Variants in NRIP1 observed in about 807,000 individuals in gnomAD.
NRIP1 encodes the protein nuclear receptor interacting protein 1, also known as nuclear receptor-interacting protein 1.
A neutral mutation model predicts 75.0 loss-of-function variants in NRIP1; 28 were observed. That is an observed-to-expected ratio of 0.37 (90% CI 0.28 to 0.51). NRIP1 has a LOEUF of 0.51. NRIP1 is among the 20% of genes least tolerant of loss of function. NRIP1 has a pLI of 0.92. For synonymous variants in NRIP1, 526 were observed against 487.6 expected (o/e 1.08, Z -1.04); for missense variants, 1,435 against 1,343.7 (o/e 1.07, Z -1.06).
intron 3 of NRIP1, among the ~76,000 whole-genome samples, chr21:14,982,668 T>C (rs1021077623): frequency 6.6e-6 from 1 of 152,092 alleles, no homozygotes; most frequent in Non-Finnish European, 1.5e-5. Flanking sequence ...TATTGTGCTT[T>C]GCTTCATTGT....
At chr21:15,030,157 GACATCACCAAGTCACTCAA>G (rs2147251264) in intron 2 of NRIP1, among the ~76,000 whole-genome samples, 1 of 152,336 alleles carries the variant, frequency 6.6e-6, no homozygotes, top group Non-Finnish European at 1.5e-5. Context: ...CATGAGGAGT[GACATCACCAAGTCACTCAA>G]GATGGCAGAG....
intron 2 of NRIP1, among the ~76,000 whole-genome samples, chr21:15,020,631 T>C (rs1175754391): frequency 6.6e-6 from 1 of 152,002 alleles, no homozygotes; most frequent in African/African-American, 2.4e-5. Flanking sequence ...TGGAAGAAAA[T>C]ATATGCAAAT....
At chr21:15,046,565 G>A (rs1238231515) in intron 1 of NRIP1, among the ~76,000 whole-genome samples, 1 of 152,078 alleles carries the variant, frequency 6.6e-6, no homozygotes, top group South Asian at 2.1e-4. Flanking sequence ...GCCAAACATT[G>A]GTTTCCACTT....
Position 14,967,272 on chromosome 21 carries a change from A to G in NRIP1, c.921T>C (p.Asn307=). ...GGTAACTGCCAACATCCTTCTGGCCATTTTCTTGCAATCTGGCCATAGCAG... is the reference window on the plus strand; with the variant it reads ...GGTAACTGCCAACATCCTTCTGGCCGTTTTCTTGCAATCTGGCCATAGCAG... ...RLAAMARLQE[N]GQKDVGSYQL... The change falls in exon 4 of 4, where the codon AAT becomes AAC. Residue 307 remains asparagine, a synonymous_variant. Transcript: ENST00000318948. The G allele has an allele frequency of 6.2e-7, 1 of 1,613,854 alleles. No individual in the cohort carries two copies. The highest frequency in any genetic ancestry group is 8.5e-7 in the Non-Finnish European group (1 of 1,179,948).
chr21:15,007,653 T>C (rs1234361267), intron 3 of NRIP1, among the ~76,000 whole-genome samples: 1 of 152,158 alleles, frequency 6.6e-6, no homozygotes, highest in Non-Finnish European at 1.5e-5. Flanking sequence ...CATGTACCTT[T>C]TCAGAACAGT....
intron 1 of NRIP1, chr21:15,050,793 C>A (rs746750300): frequency 8.8e-6 from 4 of 455,958 alleles, no homozygotes; most frequent in Non-Finnish European, 1.3e-5. Context: ...AAGGACTCAG[C>A]GTGCCTTTCA....
chr21:14,991,364 C>G (rs2087566970), intron 3 of NRIP1: 1 of 150,966 alleles, frequency 6.6e-6, no homozygotes, highest in Non-Finnish European at 1.5e-5. Flanking sequence ...TTGTGCCTCA[C>G]TCTATTCATT....
Position 15,056,039 on chromosome 21 carries a change from A to G in NRIP1, c.-538+8706T>C, listed in dbSNP as rs2089298619. On this transcript the variant is annotated intron_variant, in intron 1 of 3. Transcript: ENST00000318948. Reference sequence around the variant, plus strand: ...CCCAAAAGGAAAGAAAATGGCACATAAGCACTAAATGGTAGCATTTTATCA... The same window carrying G: ...CCCAAAAGGAAAGAAAATGGCACATGAGCACTAAATGGTAGCATTTTATCA... Among the ~76,000 whole-genome samples, 3 of 152,172 alleles carry G rather than the reference A, an allele frequency of 2.0e-5. No homozygotes were observed. The South Asian group carries it at 6.2e-4, about 31-fold the overall frequency.
intron 3 of NRIP1, among the ~76,000 whole-genome samples, chr21:14,979,109 C>T (rs1164721689): frequency 6.6e-6 from 1 of 152,152 alleles, no homozygotes; most frequent in Non-Finnish European, 1.5e-5. Flanking sequence ...TCTTAATGAA[C>T]ACAAAATAAT....
At chr21:14,971,469 T>C (rs1436559091) in intron 3 of NRIP1, 1 of 152,236 alleles carries the variant, frequency 6.6e-6, no homozygotes, top group African/African-American at 2.4e-5. Flanking sequence ...AACATATTCT[T>C]ACTGAACTCC....
At chr21:15,004,963 A>T (rs2087930580) in intron 3 of NRIP1, among the ~76,000 whole-genome samples, 4 of 152,212 alleles carry the variant, frequency 2.6e-5, no homozygotes, top group African/African-American at 4.8e-5. Context: ...TCCTAAGTCC[A>T]GCCATGTGAT....
intron 3 of NRIP1, among the ~76,000 whole-genome samples, chr21:14,973,738 G>A (rs896534284): frequency 1.3e-5 from 2 of 150,146 alleles, no homozygotes. Context: ...CTGCAGTGGT[G>A]AGATCACAGC....
chr21:15,028,301 A>G (rs951086598), intron 2 of NRIP1, among the ~76,000 whole-genome samples: 3 of 152,360 alleles, frequency 2.0e-5, no homozygotes, highest in South Asian at 2.1e-4. Context: ...ATAAACTTGC[A>G]TAAGATATAC....
intron 1 of NRIP1, among the ~76,000 whole-genome samples, chr21:15,060,351 T>C (rs1436187142): frequency 6.6e-6 from 1 of 152,180 alleles, no homozygotes; most frequent in Non-Finnish European, 1.5e-5. Context: ...AAAGAAACCC[T>C]GATAAGACTT....
rs577277139 is a variant in NRIP1 at position 15,033,284 on chromosome 21, G to A, written c.-458+10211C>T. Among the ~76,000 whole-genome samples, 12 of 151,264 alleles carry A rather than the reference G, an allele frequency of 7.9e-5. 1 individual carries two copies. The South Asian group carries it at 8.4e-4, about 11-fold the overall frequency. ...GCCAGGACTACGTTAAATGCTTAAC[G>A]TAGGCTTAATTCCTATATGGTAATT... On this transcript the variant is annotated intron_variant, in intron 2 of 3. Coordinates refer to ENST00000318948, the MANE Select transcript of NRIP1 (RefSeq NM_003489.4).
In NRIP1 at chr21:14,968,451, C is replaced by T. The variant is rs2086820760; in HGVS notation, c.-259G>A. ...TAACACATAGGTCTGTAGCAGTAAG[C>T]AGATAGAATCCTTAGTGAATATATT... On this transcript the variant is annotated 5_prime_UTR_variant, in exon 4 of 4. Transcript: ENST00000318948. 8.0e-6 allele frequency: 3 copies of T among 376,598 alleles called. No individual in the cohort carries two copies. The South Asian group carries it at 2.3e-4, about 29-fold the overall frequency. 23.3% of individuals were successfully genotyped at this position (376,598 alleles called of 1,614,324 possible).
Position 14,967,643 on chromosome 21 carries a change from G to C in NRIP1, c.550C>G (p.His184Asp), listed in dbSNP as rs1394072443. 2 of 1,613,718 alleles carry C rather than the reference G, an allele frequency of 1.2e-6. No individual in the cohort carries two copies. Among genetic ancestry groups the C allele is most frequent in the Non-Finnish European group, 1.7e-6 (2 of 1,179,976 alleles). ...DLRCYGVASS[H>D]LKTLLKKSKV... ...CTTTTCTTCAACAAAGTTTTTAAGT[G>C]ACTTGATGCAACACCATAGCACCTT... Residue 184 changes from histidine to aspartate, a missense_variant, in exon 4 of 4, where the codon CAC becomes GAC. Physicochemically the swap from His to Asp is moderately conservative, Grantham distance 81. Transcript: ENST00000318948.
At chr21:15,051,287 CG>C (rs2089197469) in intron 1 of NRIP1, 1 of 164,176 alleles carries the variant, frequency 6.1e-6, no homozygotes, top group Admixed American at 5.9e-5. Flanking sequence ...TGTGTGTGCG[CG>C]TGTGTGTGTC....
intron 2 of NRIP1, among the ~76,000 whole-genome samples, chr21:15,027,486 G>T (rs1277496603): frequency 1.3e-5 from 2 of 152,006 alleles, no homozygotes; most frequent in African/African-American, 4.8e-5. Flanking sequence ...TATTCTCCTT[G>T]TTAGAAACAA....
Sources: gnomAD v4.1 joint callset for allele counts (sites outside exome capture counted in the v4.1 genomes callset) on GRCh38, gnomAD v4.1.1 for gene constraint, MANE v1.5 for transcripts, NCBI Gene and HGNC (gene_info 2026-07-23, HGNC 2026-07-21) for gene names.